LDHD: variants seen among roughly 807,000 people sequenced by gnomAD.
LDHD encodes lactate dehydrogenase D.
In LDHD, 58 loss-of-function variants were observed where a neutral mutation model predicts 52.9. The observed-to-expected ratio is 1.10, with a 90% CI of 0.89 to 1.36. The LOEUF (loss-of-function observed/expected upper bound fraction) is 1.36. LDHD is among the 40% of genes most tolerant of loss of function. LDHD has a pLI of 0.00. For missense variants in LDHD, 747 were observed against 668.0 expected (o/e 1.12, Z -1.30); for synonymous variants, 350 against 288.6 (o/e 1.21, Z -2.16).
chr16:75,113,724 C>T lies in LDHD; in HGVS notation c.958+18G>A, dbSNP rs1424064518. On this transcript the variant is annotated intron_variant, in intron 7 of 10. Transcript: ENST00000450168. ...ACTGAGGCAGCCCACCCTGCTGCCC[C>T]ACTCCACCCCAGCATACCTGTGCGC... 1.9e-6 allele frequency: 3 copies of T among 1,613,546 alleles called. No homozygotes were observed. In the South Asian group the frequency reaches 3.3e-5, roughly 18 times the overall value.
chr16:75,115,052 C>T (rs1243812210), intron 3 of LDHD, 84 bp from the exon 4 acceptor site: 3 of 1,547,434 alleles, frequency 1.9e-6, no homozygotes, highest in Non-Finnish European at 2.6e-6. Flanking sequence ...CGGGTGTCCC[C>T]CCAGCAGCCA....
chr16:75,113,920 G>A (rs750830581), intron 6 of LDHD, 46 bp downstream of exon 6: 1 of 1,610,036 alleles, frequency 6.2e-7, no homozygotes, highest in East Asian at 2.2e-5. Context: ...TTCCCAGGGG[G>A]CCTCTTCCAG....
chr16:75,112,805 C>T (rs140888366), intron 9 of LDHD, 29 bp downstream of exon 9: 4 of 1,607,040 alleles, frequency 2.5e-6, no homozygotes, highest in South Asian at 1.1e-5. Flanking sequence ...CACCTCCCCA[C>T]CTCTCCCCAG....
In LDHD at chr16:75,114,963, G is replaced by T; in HGVS notation, c.333C>A (p.Gly111=). 6.2e-7 allele frequency: 1 copy of T among 1,610,342 alleles called. No individual in the cohort carries two copies. Among genetic ancestry groups the T allele is most frequent in the Non-Finnish European group, 8.5e-7 (1 of 1,178,340 alleles). The change falls in exon 4 of 11, where the codon GGC becomes GGA. Residue 111 remains glycine, a synonymous_variant. Transcript: ENST00000450168. The stretch of plus-strand genomic sequence containing the variant: ...CCATATGCGTCAGGTTAACGCAGAC[G>T]CCGCCCTGGTTGGGGCAGGTGCTAA... ...LEGGVCAVQG[G]VCVNLTHMDR... is the part of the protein sequence containing the mutation.
At position 75,112,724 on chromosome 16, in the gene LDHD, A is replaced by G. The variant is rs2036429472; in HGVS notation, c.1178-11T>C. On this transcript the variant is annotated splice_polypyrimidine_tract_variant and intron_variant, in intron 9 of 10. Transcript: ENST00000450168. ...GCCCGACAATGCTTCCTGGGGGCCC[A>G]GAGGACAGAACTATTCTCCAGCCCA... The G allele has an allele frequency of 6.2e-7, 1 of 1,611,922 alleles. No individual in the cohort carries two copies. The highest frequency in any genetic ancestry group is 1.1e-5 in the South Asian group (1 of 91,038).
At chr16:75,114,722 G>T in intron 4 of LDHD, 37 bp from the exon 5 acceptor site, 1 of 1,546,510 alleles carries the variant, frequency 6.5e-7, no homozygotes, top group South Asian at 1.2e-5. Context: ...CTCAGGGACC[G>T]GAGGTCCTTT....
In LDHD at chr16:75,112,369, C is replaced by T. The variant is rs758289824; in HGVS notation, c.1442G>A (p.Gly481Asp). 2 of 1,611,002 alleles carry T rather than the reference C, an allele frequency of 1.2e-6. No homozygotes were observed. Among genetic ancestry groups the T allele is most frequent in the Non-Finnish European group, 1.7e-6 (2 of 1,178,172 alleles). The change falls in exon 11 of 11, where the codon GGC becomes GAC. Residue 481 changes from glycine to aspartate, a missense_variant. Physicochemically the swap from Gly to Asp is moderately conservative, Grantham distance 94 (BLOSUM62 -1). Coordinates refer to ENST00000450168, the MANE Select transcript of LDHD (RefSeq NM_194436.3). Reference protein sequence around the residue: ...VLDPQGLMNPGKVL With the variant: ...VLDPQGLMNPDKVL ...CTCAGACCCCCTTCACAGCACTTTG[C>T]CTGGATTCATGAGGCCTTGGGGGTC...
Position 75,113,588 on chromosome 16 carries a change from T to C in LDHD, c.1033A>G (p.Thr345Ala). The C allele has an allele frequency of 6.2e-7, 1 of 1,613,136 alleles. No homozygotes were observed. Among genetic ancestry groups the C allele is most frequent in the Non-Finnish European group, 8.5e-7 (1 of 1,179,958 alleles). Residue 345 changes from threonine to alanine, a missense_variant, in exon 8 of 11, where the codon ACA becomes GCA. Transcript: ENST00000450168. ...KEAEERSRLW[T>A]ARHNAWYAAL... ...GCGTACCAGGCATTGTGCCGTGCTG[T>C]CCAAAGCCGGCTGCGCTCCTCGGCC...
Position 75,112,431 on chromosome 16 carries a change from C to G in LDHD, c.1380G>C (p.Val460=), listed in dbSNP as rs377514750. 3 of 1,613,484 alleles carry G rather than the reference C, an allele frequency of 1.9e-6. No homozygotes were observed. Among genetic ancestry groups the G allele is most frequent in the Non-Finnish European group, 2.5e-6 (3 of 1,180,014 alleles). ...RQLLQEEVGA[V]GVETMRQLKA... The stretch of plus-strand genomic sequence containing the variant: ...TGAGCTGCCGCATGGTCTCCACGCC[C>G]ACGGCGCCCACCTCCTCCTGCAGCA... Residue 460 remains valine (V), a synonymous_variant, in exon 11 of 11, where the codon GTG becomes GTC. Transcript: ENST00000450168.
At chr16:75,113,916 G>A (rs2036472158) in intron 6 of LDHD, 46 bp from the exon 7 acceptor site, 1 of 1,610,896 alleles carries the variant, frequency 6.2e-7, no homozygotes, top group African/African-American at 1.3e-5. Context: ...GGCCTTCCCA[G>A]GGGGCCTCTT....
intron 5 of LDHD, 93 bp downstream of exon 5, chr16:75,114,433 G>C (rs192349262): frequency 7.2e-7 from 1 of 1,384,398 alleles, no homozygotes; most frequent in East Asian, 2.5e-5. Context: ...CCAGGGGGCC[G>C]CCAGGAGGTG....
chr16:75,114,622 A>ACCGCGTTGGT lies in LDHD; in HGVS notation c.523_532dup (p.Val178AspfsTer70). On this transcript the variant is annotated frameshift_variant, in exon 5 of 11. Transcript: ENST00000450168. LOFTEE classifies it high-confidence loss of function. ...GTTGTCCCGCATGGTGCCGTAGCGG[A>ACCGCGTTGGT]CCGCGTTGGTCCCCGACGCCCCGGT... 2.0e-6 allele frequency: 3 copies of ACCGCGTTGGT among 1,533,900 alleles called. No homozygotes were observed. Among genetic ancestry groups the ACCGCGTTGGT allele is most frequent in the Non-Finnish European group, 2.6e-6 (3 of 1,144,074 alleles).
At chr16:75,116,594 C>T (rs1269191093) in intron 1 of LDHD, 55 bp downstream of exon 1, 1 of 1,474,612 alleles carries the variant, frequency 6.8e-7, no homozygotes, top group African/African-American at 1.4e-5. Context: ...TCAGAACCCC[C>T]TGCTCCCCGC....
At chr16:75,116,361 T>C (rs1328860253) in intron 1 of LDHD, among the ~76,000 whole-genome samples, 1 of 152,180 alleles carries the variant, frequency 6.6e-6, no homozygotes, top group Non-Finnish European at 1.5e-5. Flanking sequence ...GGACAGAGCC[T>C]GGCCTGGAAC....
chr16:75,115,796 T>C (rs964972412), intron 1 of LDHD, 136 bp from the exon 2 acceptor site: 1 of 576,410 alleles, frequency 1.7e-6, no homozygotes, highest in Non-Finnish European at 3.1e-6. Flanking sequence ...GACAACATCC[T>C]TGCCAGGTGG....
At position 75,115,180 on chromosome 16, in the gene LDHD, G is replaced by A. The variant is rs751920502; in HGVS notation, c.327+18C>T. The A allele has an allele frequency of 2.5e-6, 4 of 1,606,932 alleles. No homozygotes were observed. Among genetic ancestry groups the A allele is most frequent in the Non-Finnish European group, 8.5e-7 (1 of 1,177,716 alleles). ...TGCTGGGACCATCCTCGGGCCGGGC[G>A]AGGGAGCCCCACTGTACCTGCACAG... On this transcript the variant is annotated intron_variant, in intron 3 of 10. Transcript: ENST00000450168.
At position 75,115,338 on chromosome 16, in the gene LDHD, AC is replaced by A. The variant is rs2036525092; in HGVS notation, c.186del (p.Arg62SerfsTer55). The A allele has an allele frequency of 6.2e-7, 1 of 1,613,320 alleles. No individual in the cohort carries two copies. Among genetic ancestry groups the A allele is most frequent in the Admixed American group, 1.7e-5 (1 of 60,002 alleles). On this transcript the variant is annotated frameshift_variant and splice_region_variant, in exon 3 of 11. Coordinates refer to ENST00000450168, the MANE Select transcript of LDHD (RefSeq NM_194436.3). LOFTEE classifies it high-confidence loss of function. ...CACACCACAGCATCAGGAGGTTCGCACCTAGAACCAGACCCTCAGCGATTTA... is the reference window on the plus strand; with the variant it reads ...CACACCACAGCATCAGGAGGTTCGCACTAGAACCAGACCCTCAGCGATTTA... ...EQHGRDESVH[R>X]CEPPDAVVWP...
chr16:75,116,284 C>T (rs1390651494), intron 1 of LDHD, among the ~76,000 whole-genome samples: 2 of 149,434 alleles, frequency 1.3e-5, no homozygotes, highest in African/African-American at 4.9e-5. Flanking sequence ...TCGTGGGGGG[C>T]GGGGCGCGGC....
chr16:75,116,337 G>C lies in LDHD; in HGVS notation c.72+312C>G, dbSNP rs183090259. On this transcript the variant is annotated intron_variant, in intron 1 of 10. Coordinates refer to ENST00000450168, the MANE Select transcript of LDHD (RefSeq NM_194436.3). ...TCTTCCCATTTTACAGATGAGAAAT[G>C]GAGGCCAAGTTAAGGACAGAGCCTG... Among the ~76,000 whole-genome samples the C allele has an allele frequency of 3.9e-4, 59 of 152,324 alleles. 1 individual carries two copies. The East Asian group carries it at 0.011, about 29-fold the overall frequency.
Sources: allele counts gnomAD v4.1 joint callset (sites outside exome capture counted in the v4.1 genomes callset), GRCh38; gene constraint gnomAD v4.1.1; transcripts MANE v1.5; gene names NCBI Gene and HGNC (gene_info 2026-07-23, HGNC 2026-07-21).